FGD2: variants seen among roughly 807,000 people sequenced by gnomAD.
The protein encoded by FGD2 is FYVE, RhoGEF and PH domain containing 2, also known as FYVE, RhoGEF and PH domain-containing protein 2.
A neutral mutation model predicts 75.9 loss-of-function variants in FGD2; 52 were observed. The observed-to-expected ratio is 0.69, with a 90% CI of 0.55 to 0.86. FGD2 has a LOEUF of 0.86. Ranked by LOEUF, FGD2 falls within the 40% of genes least tolerant of loss-of-function variation. The pLI is 0.00. For missense variants in FGD2, 790 were observed against 872.0 expected (o/e 0.91, Z 1.18); for synonymous variants, 347 against 348.6 (o/e 1.00, Z 0.05).
chr6:37,016,070 C>T (rs1222609499), intron 9 of FGD2, among the ~76,000 whole-genome samples: 1 of 152,262 alleles, frequency 6.6e-6, no homozygotes, highest in Middle Eastern at 3.4e-3. Flanking sequence ...GTTTGGCCCT[C>T]CCTTCGCGGC....
intron 1 of FGD2, among the ~76,000 whole-genome samples, chr6:37,007,960 G>A (rs1013746809): frequency 5.9e-5 from 9 of 152,156 alleles, no homozygotes; most frequent in Non-Finnish European, 1.0e-4. Flanking sequence ...CTCAAATGGG[G>A]AGGGGCAGGT....
intron 6 of FGD2, 138 bp from the exon 7 acceptor site, chr6:37,014,508 C>A: frequency 1.1e-6 from 1 of 951,480 alleles, no homozygotes; most frequent in Non-Finnish European, 1.6e-6. Flanking sequence ...CACCCCATGG[C>A]TGGGCTGCAC....
chr6:37,027,555 T>A lies in FGD2; in HGVS notation c.1732T>A (p.Tyr578Asn). 1 of 1,614,098 alleles carries A rather than the reference T, an allele frequency of 6.2e-7. No homozygotes were observed. The highest frequency in any genetic ancestry group is 8.5e-7 in the Non-Finnish European group (1 of 1,179,990). Residue 578 changes from tyrosine (Y) to asparagine (N), a missense_variant, in exon 15 of 16, where the codon TAT (tyrosine) becomes AAT (asparagine). Coordinates refer to ENST00000274963, the MANE Select transcript of FGD2 (RefSeq NM_173558.4). ...VIPRDDPLVL[Y>N]VYAAPQDMRA... ...CCCTCGGGATGACCCCCTCGTGCTCTATGTCTATGCTGCCCCTCAGGTAAG... is the reference window on the plus strand; with the variant it reads ...CCCTCGGGATGACCCCCTCGTGCTCAATGTCTATGCTGCCCCTCAGGTAAG...
At position 37,028,111 on chromosome 6, in the gene FGD2, C is replaced by A. The variant is rs752345344; in HGVS notation, c.1916C>A (p.Ala639Glu). Residue 639 changes from alanine (A) to glutamate (E), a missense_variant, in exon 16 of 16, where the codon GCG becomes GAG. Coordinates refer to ENST00000274963, the MANE Select transcript of FGD2 (RefSeq NM_173558.4). ...KGRWVKAMER[A>E]ASGWSPSWPN... ...CGCTGGGTGAAGGCCATGGAGCGGGCGGCCAGTGGCTGGAGCCCCAGCTGG... is the reference window on the plus strand; with the variant it reads ...CGCTGGGTGAAGGCCATGGAGCGGGAGGCCAGTGGCTGGAGCCCCAGCTGG... 3 of 1,610,240 alleles carry A rather than the reference C, an allele frequency of 1.9e-6. No individual in the cohort carries two copies. Among genetic ancestry groups the A allele is most frequent in the East Asian group, 2.2e-5 (1 of 44,806 alleles).
intron 11 of FGD2, 54 bp from the exon 12 acceptor site, chr6:37,021,458 C>T: frequency 6.8e-7 from 1 of 1,479,322 alleles, no homozygotes; most frequent in South Asian, 1.2e-5. Flanking sequence ...GACAGAGGAG[C>T]AATCCCTCCC....
At chr6:37,022,792 A>T in intron 13 of FGD2, 1 of 177,178 alleles carries the variant, frequency 5.6e-6, no homozygotes, top group Non-Finnish European at 1.2e-5. Context: ...TCTTGGCCAA[A>T]TCTGCTGGCT....
At chr6:37,012,728 G>GAAAGA (rs1172085791) in intron 4 of FGD2, among the ~76,000 whole-genome samples, 3 of 143,642 alleles carry the variant, frequency 2.1e-5, no homozygotes, top group South Asian at 2.2e-4. Flanking sequence ...AAAAAAAAAA[G>GAAAGA]AAAGAAAAGA....
Position 37,020,626 on chromosome 6 carries a change from G to T in FGD2, c.1202+6G>T. ...ACCCTGGAGCTGCAAGCCCGGTAAAGGAGCTGGGGTGGCGGCCCAGGGCCA... is the reference window on the plus strand; with the variant it reads ...ACCCTGGAGCTGCAAGCCCGGTAAATGAGCTGGGGTGGCGGCCCAGGGCCA... On this transcript the variant is annotated splice_donor_region_variant and intron_variant, in intron 10 of 15. Transcript: ENST00000274963. The T allele has an allele frequency of 6.3e-7, 1 of 1,599,530 alleles. No individual in the cohort carries two copies. The highest frequency in any genetic ancestry group is 8.5e-7 in the Non-Finnish European group (1 of 1,173,012).
intron 4 of FGD2, 150 bp downstream of exon 4, chr6:37,012,004 A>G (rs1765034746): frequency 1.2e-6 from 1 of 817,162 alleles, no homozygotes; most frequent in Non-Finnish European, 1.8e-6. Context: ...CTGCACAGTG[A>G]AGGGCTTGGG....
rs745324102 is a variant in FGD2 at position 37,015,012 on chromosome 6, G to A, written c.1003G>A (p.Asp335Asn). ...CCTCAAGATCTCCTTCCGCCGCAAC[G>A]ACCCCATGGAGCGCTACCTTTTCTT... is the stretch of plus-strand genomic sequence containing the variant. The part of the protein sequence containing the change: ...PVLKISFRRN[D>N]PMERYLFLFN... Residue 335 changes from aspartate to asparagine, a missense_variant, in exon 8 of 16, where the codon GAC becomes AAC. Transcript: ENST00000274963. The A allele has an allele frequency of 3.2e-5, 51 of 1,613,888 alleles. No homozygotes were observed. The highest frequency in any genetic ancestry group is 1.6e-4 in the Middle Eastern group (1 of 6,078).
chr6:37,028,615 C>CTTTTTTT lies in FGD2; in HGVS notation c.*463_*469dup, dbSNP rs386406733. ...GGCTGAGTTGGGGGAGGCATGGGGT[C>CTTTTTTT]TTTTTTTTTTTTTTTTTGAGACAGA... On this transcript the variant is annotated 3_prime_UTR_variant, in exon 16 of 16. Coordinates refer to ENST00000274963, the MANE Select transcript of FGD2 (RefSeq NM_173558.4). The CTTTTTTT allele has an allele frequency of 0.16, 12,613 of 78,206 alleles. 3,227 individuals are homozygous for CTTTTTTT. Among genetic ancestry groups the CTTTTTTT allele is most frequent in the East Asian group, 0.38 (976 of 2,538 alleles). The allele number at this position is 78,206 out of a possible 1,614,324, so 4.8% of individuals were successfully genotyped here. A position where few individuals can be genotyped will look rare whatever the true frequency, so the allele number is the denominator to read the frequency against.
At chr6:37,025,715 C>A in intron 13 of FGD2, 77 bp from the exon 14 acceptor site, 1 of 1,557,604 alleles carries the variant, frequency 6.4e-7, no homozygotes, top group Non-Finnish European at 8.8e-7. Context: ...CTCATGCCCC[C>A]ACCTGCCCAC....
intron 3 of FGD2, chr6:37,011,282 G>A: frequency 1.7e-6 from 1 of 590,068 alleles, no homozygotes; most frequent in Non-Finnish European, 3.0e-6. Context: ...GTATAGCAGA[G>A]AACACACCAG....
chr6:37,026,010 G>T (rs545275424), intron 14 of FGD2, 72 bp downstream of exon 14: 583 of 1,574,560 alleles, frequency 3.7e-4, no homozygotes, highest in Middle Eastern at 5.2e-4. Context: ...ACCATGCTGG[G>T]CTGACACTGT....
rs142673050 is a variant in FGD2 at position 37,027,449 on chromosome 6, T to A, written c.1626T>A (p.Pro542=). 8.9e-5 allele frequency: 144 copies of A among 1,612,052 alleles called. No homozygotes were observed. The highest frequency in any genetic ancestry group is 1.1e-4 in the Non-Finnish European group (127 of 1,178,526). ...GILEKGSSAT[P]DQSLMCSFLQ... ...TTTAGAAAGGGTCCTCAGCCACGCC[T>A]GACCAGAGCCTGATGTGCAGCTTCC... is the stretch of plus-strand genomic sequence containing the variant. The change falls in exon 15 of 16, where the codon CCT becomes CCA. Residue 542 remains proline (P), a synonymous_variant. Coordinates refer to ENST00000274963, the MANE Select transcript of FGD2 (RefSeq NM_173558.4).
chr6:37,014,062 A>G lies in FGD2; in HGVS notation c.785A>G (p.Lys262Arg), dbSNP rs200159183. Residue 262 changes from lysine (K) to arginine (R), a missense_variant, in exon 6 of 16, where the codon AAG becomes AGG. Physicochemically the swap from Lys to Arg is conservative, Grantham distance 26. Coordinates refer to ENST00000274963, the MANE Select transcript of FGD2 (RefSeq NM_173558.4). Reference sequence around the variant, plus strand: ...CTGCTGCTCAAGGAGTACATCCAGAAGCTGCCAGCCCAGGCCCCAGACCAG... The same window carrying G: ...CTGCTGCTCAAGGAGTACATCCAGAGGCTGCCAGCCCAGGCCCCAGACCAG... Reference protein sequence around the residue: ...YELLLKEYIQKLPAQAPDQAD... With the variant: ...YELLLKEYIQRLPAQAPDQAD... 8.1e-6 allele frequency: 13 copies of G among 1,614,120 alleles called. No homozygotes were observed. The East Asian group carries it at 2.9e-4, about 36-fold the overall frequency.
chr6:37,012,102 G>A (rs150685823), intron 4 of FGD2: 122 of 432,196 alleles, frequency 2.8e-4, no homozygotes, highest in Non-Finnish European at 4.3e-4. Flanking sequence ...GTGACCAAGT[G>A]ACTTTGGGAC....
At chr6:37,006,000 C>T in intron 1 of FGD2, 115 bp downstream of exon 1, 1 of 1,187,196 alleles carries the variant, frequency 8.4e-7, no homozygotes, top group Non-Finnish European at 1.2e-6. Context: ...AGGGGCAGCC[C>T]CGCGTTCCTC....
At chr6:37,008,060 G>A (rs1412999897) in intron 1 of FGD2, among the ~76,000 whole-genome samples, 1 of 152,208 alleles carries the variant, frequency 6.6e-6, no homozygotes, top group Non-Finnish European at 1.5e-5. Context: ...CCAGACCTCA[G>A]TTTCCTTGAG....
Sources: gnomAD v4.1 joint callset for allele counts (sites outside exome capture counted in the v4.1 genomes callset) on GRCh38, gnomAD v4.1.1 for gene constraint, MANE v1.5 for transcripts, NCBI Gene and HGNC (gene_info 2026-07-23, HGNC 2026-07-21) for gene names.